Variants in LGSN observed in about 807,000 individuals in gnomAD.
LGSN encodes the protein lengsin, lens protein with glutamine synthetase domain, also known as lengsin.
In LGSN, 21 loss-of-function variants were observed where a neutral mutation model predicts 19.5. The observed-to-expected ratio is 1.07, with a 90% CI of 0.76 to 1.55. LGSN has a LOEUF of 1.55. LGSN is among the 40% of genes most tolerant of loss of function. The pLI, the probability that LGSN is intolerant of heterozygous loss-of-function variation, is 0.00. For missense variants in LGSN, 673 were observed against 608.5 expected, an observed-to-expected ratio of 1.11 and a Z score of -1.12; for synonymous variants, 257 against 215.6, an observed-to-expected ratio of 1.19 and a Z score of -1.68.
chr6:63,328,200 A>G, the LGSN span, among the ~76,000 whole-genome samples: 69 of 152,258 alleles, frequency 4.5e-4, no homozygotes, highest in African/African-American at 1.6e-3. Flanking sequence ...CCTGCCCTTC[A>G]TATCCCATTT....
the LGSN span, among the ~76,000 whole-genome samples, chr6:63,393,917 G>A: frequency 6.6e-6 from 1 of 152,148 alleles, no homozygotes; most frequent in African/African-American, 2.4e-5. Flanking sequence ...GGTATTCTAA[G>A]TGACAGGATG....
chr6:63,572,866 T>C, the LGSN span: 1 of 391,890 alleles, frequency 2.6e-6, no homozygotes, highest in African/African-American at 2.1e-5. Context: ...AGCGGGCGGG[T>C]TATGGCCCTG....
chr6:63,330,671 A>G, the LGSN span, among the ~76,000 whole-genome samples: 2 of 152,238 alleles, frequency 1.3e-5, no homozygotes, highest in South Asian at 4.1e-4. Context: ...AAGTCAACAG[A>G]TGTTTACAAC....
chr6:63,439,299 A>C, the LGSN span, among the ~76,000 whole-genome samples: 2 of 152,256 alleles, frequency 1.3e-5, no homozygotes, highest in East Asian at 3.9e-4. Flanking sequence ...GCACGTGTAT[A>C]CATATGTTAA....
the LGSN span, among the ~76,000 whole-genome samples, chr6:63,508,834 G>A: frequency 3.3e-5 from 5 of 150,468 alleles, no homozygotes; most frequent in Middle Eastern, 3.5e-3. Flanking sequence ...CAGGAGAATC[G>A]CTTGAACCCA....
the LGSN span, among the ~76,000 whole-genome samples, chr6:63,439,518 A>T: frequency 6.9e-6 from 1 of 145,892 alleles, no homozygotes; most frequent in African/African-American, 2.5e-5. Flanking sequence ...CTGTCTCATT[A>T]AAAAAAAAAA....
the LGSN span, among the ~76,000 whole-genome samples, chr6:63,412,567 A>AAAGG: frequency 2.2e-3 from 264 of 121,526 alleles, 1 homozygote; most frequent in Middle Eastern, 4.4e-3. Context: ...AGAAAGAAAG[A>AAAGG]AAGGAAGGAA....
chr6:63,445,463 C>CA, the LGSN span, among the ~76,000 whole-genome samples: 1 of 151,856 alleles, frequency 6.6e-6, no homozygotes, highest in Admixed American at 6.6e-5. Context: ...AATGAAAATA[C>CA]AAAAAAATAG....
chr6:63,446,553 G>A, the LGSN span, among the ~76,000 whole-genome samples: 1 of 152,132 alleles, frequency 6.6e-6, no homozygotes, highest in East Asian at 1.9e-4. Context: ...GAACAGCAAC[G>A]AGCACATAGT....
At chr6:63,380,531 T>G in the LGSN span, among the ~76,000 whole-genome samples, 3 of 152,218 alleles carry the variant, frequency 2.0e-5, no homozygotes, top group Admixed American at 2.0e-4. Flanking sequence ...AGGTGGAGTC[T>G]TATGTGATTG....
chr6:63,474,826 G>A, the LGSN span, among the ~76,000 whole-genome samples: 1 of 150,960 alleles, frequency 6.6e-6, no homozygotes, highest in Non-Finnish European at 1.5e-5. Flanking sequence ...GAGAGGTGGA[G>A]GCAGGAGAAT....
chr6:63,306,010 T>C (rs997525061), intron 1 of LGSN, among the ~76,000 whole-genome samples: 11 of 152,122 alleles, frequency 7.2e-5, no homozygotes, highest in African/African-American at 2.2e-4. Flanking sequence ...GAGGTTACAG[T>C]GAGCCAAGAT....
At chr6:63,475,418 G>C in the LGSN span, among the ~76,000 whole-genome samples, 1 of 151,074 alleles carries the variant, frequency 6.6e-6, no homozygotes, top group Non-Finnish European at 1.5e-5. Flanking sequence ...AACATGGTAT[G>C]TTTCTGGTTA....
intron 1 of LGSN, among the ~76,000 whole-genome samples, chr6:63,301,948 C>T (rs1370401614): frequency 7.2e-5 from 11 of 152,042 alleles, no homozygotes; most frequent in Admixed American, 2.0e-4. Context: ...GTGTTTAAAA[C>T]CTTTGGCATA....
At chr6:63,350,378 A>C in the LGSN span, among the ~76,000 whole-genome samples, 1 of 152,362 alleles carries the variant, frequency 6.6e-6, no homozygotes, top group South Asian at 2.1e-4. Flanking sequence ...TATTTTACAG[A>C]TTTGTAATTA....
the LGSN span, among the ~76,000 whole-genome samples, chr6:63,559,876 C>T: frequency 6.6e-6 from 1 of 152,180 alleles, no homozygotes; most frequent in Non-Finnish European, 1.5e-5. Flanking sequence ...ATCCTCCTGC[C>T]TTGGCCTCCC....
At chr6:63,422,777 A>G in the LGSN span, among the ~76,000 whole-genome samples, 1 of 152,140 alleles carries the variant, frequency 6.6e-6, no homozygotes, top group East Asian at 1.9e-4. Flanking sequence ...ACCCCCAGGA[A>G]GACAGGGAAA....
chr6:63,549,407 G>A, the LGSN span: 111 of 751,802 alleles, frequency 1.5e-4, no homozygotes, highest in Middle Eastern at 1.2e-3. Context: ...TTCTTAGGCC[G>A]TTTCTCAAAC....
the LGSN span, among the ~76,000 whole-genome samples, chr6:63,468,130 AT>A: frequency 1.1e-4 from 17 of 151,970 alleles, no homozygotes; most frequent in Admixed American, 7.9e-4. Context: ...TTATTTTTTA[AT>A]TTTTGTTTAT....
Sources: gnomAD v4.1 joint callset for allele counts (sites outside exome capture counted in the v4.1 genomes callset) on GRCh38, gnomAD v4.1.1 for gene constraint, MANE v1.5 for transcripts, NCBI Gene and HGNC (gene_info 2026-07-23, HGNC 2026-07-21) for gene names.